UTY: variants seen among roughly 807,000 people sequenced by gnomAD.
The protein encoded by UTY is histone demethylase UTY.
UTY carries 12 observed loss-of-function variants against 32.5 expected under a neutral mutation model. The ratio of observed to expected loss-of-function variants is 0.37; its 90% CI spans 0.24 to 0.60. The LOEUF is 0.60. Among genes scored for constraint, UTY ranks in the 20% least tolerant of loss-of-function variants. The pLI, the probability that UTY is intolerant of heterozygous loss-of-function variation, is 0.69. For synonymous variants in UTY, 131 were observed against 103.4 expected (o/e 1.27, Z -1.62); for missense variants, 303 against 299.2 (o/e 1.01, Z -0.09).
At chrY:13,330,633 C>T (rs980330417) in intron 18 of UTY, among the ~76,000 whole-genome samples, 32 of 33,418 alleles carry the variant, frequency 9.6e-4, no homozygotes, top group South Asian at 5.3e-3. Flanking sequence ...TCTTTGCACC[C>T]CACTGGTGCC....
At chrY:13,315,092 T>G in intron 21 of UTY, among the ~76,000 whole-genome samples, 1 of 33,510 alleles carries the variant, frequency 3.0e-5, no homozygotes, top group Non-Finnish European at 7.4e-5. Flanking sequence ...TTACATCAAT[T>G]TTCAGAGCAG....
intron 6 of UTY, among the ~76,000 whole-genome samples, chrY:13,400,834 T>C (rs2149570239): frequency 2.8e-4 from 9 of 32,345 alleles, no homozygotes; most frequent in African/African-American, 9.6e-4. Context: ...CTGATGGGTA[T>C]AGGATCTTTG....
intron 21 of UTY, among the ~76,000 whole-genome samples, chrY:13,321,746 C>A (rs2059856026): frequency 3.0e-5 from 1 of 33,324 alleles, no homozygotes; most frequent in East Asian, 7.8e-4. Flanking sequence ...CTCTGACCAC[C>A]TTGGGGAAAT....
intron 4 of UTY, among the ~76,000 whole-genome samples, chrY:13,427,069 A>T: frequency 2.9e-5 from 1 of 34,090 alleles, no homozygotes; most frequent in Admixed American, 2.6e-4. Flanking sequence ...AAGATTCAAA[A>T]TGTGGAGGGC....
intron 21 of UTY, among the ~76,000 whole-genome samples, chrY:13,307,728 A>G (rs2058776263): frequency 3.0e-5 from 1 of 33,457 alleles, no homozygotes. Flanking sequence ...CGGTTCAATA[A>G]TAAAAAGAAA....
At chrY:13,297,073 A>G in intron 27 of UTY, among the ~76,000 whole-genome samples, 1 of 33,977 alleles carries the variant, frequency 2.9e-5, no homozygotes, top group South Asian at 6.5e-4. Context: ...ATGTTGCTAT[A>G]AAGAAATGCC....
chrY:13,433,538 G>A, intron 4 of UTY, among the ~76,000 whole-genome samples: 1 of 33,583 alleles, frequency 3.0e-5, no homozygotes, highest in African/African-American at 1.2e-4. Flanking sequence ...AGATGAAAAC[G>A]TCCCATGTCT....
chrY:13,305,589 T>C, intron 23 of UTY, 42 bp from the exon 24 acceptor site: 1 of 360,192 alleles, frequency 2.8e-6, no homozygotes, highest in Non-Finnish European at 3.8e-6. Flanking sequence ...CTCGTAAGAA[T>C]CACCACATCC....
chrY:13,376,766 C>T (rs752552709), intron 8 of UTY, among the ~76,000 whole-genome samples: 1 of 33,270 alleles, frequency 3.0e-5, no homozygotes, highest in East Asian at 7.8e-4. Context: ...TTTTAATAAA[C>T]GGCATATTCA....
At chrY:13,409,242 A>T in intron 6 of UTY, among the ~76,000 whole-genome samples, 1 of 33,861 alleles carries the variant, frequency 3.0e-5, no homozygotes, top group Non-Finnish European at 7.4e-5. Flanking sequence ...AATTTGAGAA[A>T]AACTGAAAAT....
At position 13,472,473 on chromosome Y, in the gene UTY, T is replaced by TGTGCA. The variant is rs2078610349; in HGVS notation, c.217-2245_217-2244insTGCAC. On this transcript the variant is annotated intron_variant, in intron 2 of 29. Transcript: ENST00000545955. ...ATCTCTTATACACTTTCATAGAGTA[T>TGTGCA]TAGCACACTCTGAAAAACAGTATGG... 1.2e-4 allele frequency among the ~76,000 whole-genome samples: 4 copies of TGTGCA among 32,829 alleles called. No individual in the cohort carries two copies. The East Asian group carries it at 3.1e-3, about 26-fold the overall frequency. 88.1% of individuals were successfully genotyped at this position (32,829 alleles called of 37,273 possible).
intron 26 of UTY, 35 bp from the exon 27 acceptor site, chrY:13,297,883 C>T (rs767529927): frequency 6.1e-6 from 2 of 328,594 alleles, no homozygotes; most frequent in East Asian, 1.9e-4. Flanking sequence ...TAAAGTAACC[C>T]AAAGTAATAG....
intron 4 of UTY, among the ~76,000 whole-genome samples, chrY:13,433,501 G>C: frequency 3.0e-5 from 1 of 33,247 alleles, no homozygotes; most frequent in Non-Finnish European, 7.4e-5. Flanking sequence ...GACATCAAAG[G>C]GTTTAGCAAA....
At chrY:13,277,672 C>T (rs973728602) in intron 27 of UTY, among the ~76,000 whole-genome samples, 3 of 33,359 alleles carry the variant, frequency 9.0e-5, no homozygotes, top group Admixed American at 2.7e-4. Flanking sequence ...CTGCTGGTAC[C>T]CACTGGGGGA....
At chrY:13,343,002 T>A (rs2061603621) in intron 17 of UTY, among the ~76,000 whole-genome samples, 1 of 33,503 alleles carries the variant, frequency 3.0e-5, no homozygotes, top group South Asian at 6.7e-4. Flanking sequence ...AAACAACCCC[T>A]CCTGTGGGGA....
At chrY:13,468,184 A>G in intron 3 of UTY, among the ~76,000 whole-genome samples, 2 of 32,308 alleles carry the variant, frequency 6.2e-5, no homozygotes, top group Admixed American at 5.7e-4. Flanking sequence ...AGGCATGAGA[A>G]TCGCTTGAAC....
At chrY:13,422,746 C>CTG (rs2072751695) in intron 4 of UTY, among the ~76,000 whole-genome samples, 1 of 33,218 alleles carries the variant, frequency 3.0e-5, no homozygotes, top group Non-Finnish European at 7.5e-5. Flanking sequence ...GTAAGGAAAC[C>CTG]AACATAACTA....
intron 27 of UTY, among the ~76,000 whole-genome samples, chrY:13,295,676 A>G: frequency 5.9e-5 from 2 of 34,040 alleles, no homozygotes; most frequent in African/African-American, 2.3e-4. Context: ...CCAAGATATA[A>G]TTGAACAGAC....
chrY:13,358,510 C>T lies in UTY; in HGVS notation c.1430G>A (p.Gly477Asp). The T allele has an allele frequency of 2.6e-6, 1 of 378,248 alleles. No individual in the cohort carries two copies. The highest frequency in any genetic ancestry group is 3.2e-5 in the South Asian group (1 of 31,014). The allele number at this position is 378,248 out of a possible 400,897, so 94.4% of individuals were successfully genotyped here. ...TTTCTTCTTGGCAGGACTGGACAGG[C>T]CTTCTACTTGGCTAGAAGTAATCAT... ...LHMITSSQVE[G>D]LSSPAKKKRT... The change falls in exon 14 of 30, where the codon GGC (glycine) becomes GAC (aspartate). Residue 477 changes from glycine to aspartate, a missense_variant. Gly to Asp is a moderately conservative substitution (Grantham distance 94). Coordinates refer to ENST00000545955, the MANE Select transcript of UTY (RefSeq NM_001258249.2).
Sources: allele counts gnomAD v4.1 joint callset (sites outside exome capture counted in the v4.1 genomes callset), GRCh38; gene constraint gnomAD v4.1.1; transcripts MANE v1.5; gene names NCBI Gene and HGNC (gene_info 2026-07-23, HGNC 2026-07-21).